Variants in NKAIN2 observed in about 807,000 individuals in gnomAD.
NKAIN2 encodes the protein sodium/potassium transporting ATPase interacting 2, also known as sodium/potassium-transporting ATPase subunit beta-1-interacting protein 2.
NKAIN2 carries 14 observed loss-of-function variants against 32.6 expected under a neutral mutation model. That is an observed-to-expected ratio of 0.43 (90% CI 0.28 to 0.67). NKAIN2 has a LOEUF of 0.67. Ranked by LOEUF, NKAIN2 falls within the 30% of genes least tolerant of loss-of-function variation. The pLI is 0.17. For synonymous variants in NKAIN2, 80 were observed against 87.2 expected (o/e 0.92, Z 0.46); for missense variants, 198 against 258.3 (o/e 0.77, Z 1.60).
intron 1 of NKAIN2, among the ~76,000 whole-genome samples, chr6:124,114,044 G>A (rs1244944602): frequency 2.6e-5 from 4 of 152,234 alleles, no homozygotes; most frequent in African/African-American, 7.2e-5. Flanking sequence ...TACAGAGTAG[G>A]CATGTATTTA....
At chr6:124,105,735 C>T (rs1042048893) in intron 1 of NKAIN2, among the ~76,000 whole-genome samples, 2 of 152,174 alleles carry the variant, frequency 1.3e-5, no homozygotes, top group African/African-American at 4.8e-5. Flanking sequence ...TACACAGTCA[C>T]AGAATTCATC....
At chr6:124,087,851 A>T (rs1334098974) in intron 1 of NKAIN2, among the ~76,000 whole-genome samples, 16 of 152,022 alleles carry the variant, frequency 1.1e-4, no homozygotes, top group Admixed American at 1.1e-3. Context: ...TGTGTTAGCT[A>T]TACTCTGATA....
chr6:124,401,334 G>A (rs1356695582), intron 3 of NKAIN2, among the ~76,000 whole-genome samples: 1 of 152,120 alleles, frequency 6.6e-6, no homozygotes, highest in Admixed American at 6.5e-5. Flanking sequence ...CATTCCTGCT[G>A]CTCTACATCA....
intron 4 of NKAIN2, among the ~76,000 whole-genome samples, chr6:124,773,919 C>G (rs1296562198): frequency 6.6e-6 from 1 of 152,038 alleles, no homozygotes; most frequent in Non-Finnish European, 1.5e-5. Context: ...CAAGTAATAA[C>G]AAGGAAGCTC....
At chr6:124,327,797 T>C (rs1426409512) in intron 2 of NKAIN2, among the ~76,000 whole-genome samples, 2 of 152,150 alleles carry the variant, frequency 1.3e-5, no homozygotes, top group East Asian at 1.9e-4. Context: ...AATTAGAATA[T>C]GTATGTGGAT....
At chr6:123,866,797 G>T (rs1026365287) in intron 1 of NKAIN2, among the ~76,000 whole-genome samples, 3 of 152,108 alleles carry the variant, frequency 2.0e-5, no homozygotes, top group Non-Finnish European at 4.4e-5. Context: ...GTTAAAACCT[G>T]TCTAATCCCT....
chr6:123,932,605 G>A (rs1296074069), intron 1 of NKAIN2, among the ~76,000 whole-genome samples: 1 of 151,672 alleles, frequency 6.6e-6, no homozygotes, highest in African/African-American at 2.4e-5. Context: ...TTTTAGTAGA[G>A]ACGGGGTTTC....
intron 1 of NKAIN2, among the ~76,000 whole-genome samples, chr6:123,954,890 TC>T (rs1309209646): frequency 6.6e-6 from 1 of 152,076 alleles, no homozygotes; most frequent in Non-Finnish European, 1.5e-5. Flanking sequence ...TTAAGACTTT[TC>T]CAGTGAAGGA....
intron 3 of NKAIN2, among the ~76,000 whole-genome samples, chr6:124,356,735 G>A (rs982865899): frequency 1.3e-5 from 2 of 152,118 alleles, no homozygotes; most frequent in African/African-American, 2.4e-5. Flanking sequence ...AAGCAGACAC[G>A]CTTTTCCAAG....
At chr6:124,779,328 G>A (rs1433373403) in intron 4 of NKAIN2, among the ~76,000 whole-genome samples, 2 of 103,952 alleles carry the variant, frequency 1.9e-5, no homozygotes, top group East Asian at 2.8e-4. Context: ...GGGAAGGAAG[G>A]AAGGAAGGAA....
intron 1 of NKAIN2, among the ~76,000 whole-genome samples, chr6:124,099,146 A>G (rs1328172488): frequency 6.6e-6 from 1 of 152,168 alleles, no homozygotes; most frequent in Non-Finnish European, 1.5e-5. Context: ...TACATAATAC[A>G]TATAATGGAT....
At chr6:123,941,329 A>G (rs1776812164) in intron 1 of NKAIN2, among the ~76,000 whole-genome samples, 1 of 151,912 alleles carries the variant, frequency 6.6e-6, no homozygotes, top group South Asian at 2.1e-4. Context: ...AAATTATATT[A>G]TAATAATTAG....
At chr6:124,415,092 C>A (rs1774400510) in intron 3 of NKAIN2, among the ~76,000 whole-genome samples, 1 of 152,146 alleles carries the variant, frequency 6.6e-6, no homozygotes, top group Non-Finnish European at 1.5e-5. Flanking sequence ...ATGCATTCTG[C>A]AGCAGACAAC....
chr6:124,543,070 T>TAA (rs144926280), intron 3 of NKAIN2, among the ~76,000 whole-genome samples: 200 of 152,084 alleles, frequency 1.3e-3, no homozygotes, highest in African/African-American at 3.7e-3. Flanking sequence ...TATTAAATAA[T>TAA]AAAAAAAATC....
intron 3 of NKAIN2, among the ~76,000 whole-genome samples, chr6:124,578,667 A>C (rs1396218321): frequency 6.6e-6 from 1 of 151,704 alleles, no homozygotes; most frequent in Non-Finnish European, 1.5e-5. Context: ...AGGGAAGAAA[A>C]CGGCATGGCT....
chr6:123,902,417 A>G (rs1774641872), intron 1 of NKAIN2, among the ~76,000 whole-genome samples: 1 of 152,150 alleles, frequency 6.6e-6, no homozygotes, highest in South Asian at 2.1e-4. Context: ...AAAAATTCCT[A>G]CATCTAGTGT....
intron 5 of NKAIN2, among the ~76,000 whole-genome samples, chr6:124,804,914 A>T (rs192359588): frequency 6.6e-6 from 1 of 152,186 alleles, no homozygotes; most frequent in Non-Finnish European, 1.5e-5. Flanking sequence ...CTGAGATCAA[A>T]CTGCAAGGCG....
intron 5 of NKAIN2, among the ~76,000 whole-genome samples, chr6:124,803,935 G>A (rs555471924): frequency 3.3e-5 from 5 of 152,196 alleles, no homozygotes; most frequent in East Asian, 1.9e-4. Context: ...ATACCTCTAC[G>A]TATTACACAC....
intron 1 of NKAIN2, among the ~76,000 whole-genome samples, chr6:124,013,707 G>C (rs1203749284): frequency 6.6e-6 from 1 of 152,148 alleles, no homozygotes; most frequent in East Asian, 1.9e-4. Flanking sequence ...TTAAACATGA[G>C]GGGGAAAGAT....
Sources: allele counts gnomAD v4.1 joint callset (sites outside exome capture counted in the v4.1 genomes callset), GRCh38; gene constraint gnomAD v4.1.1; transcripts MANE v1.5; gene names NCBI Gene and HGNC (gene_info 2026-07-23, HGNC 2026-07-21).